Variants in SUGCT observed in about 807,000 individuals in gnomAD.
The protein encoded by SUGCT is succinyl-CoA:glutarate-CoA transferase.
In SUGCT, 41 loss-of-function variants were observed where a neutral mutation model predicts 55.0. That is an observed-to-expected ratio of 0.74 (90% CI 0.58 to 0.97). The LOEUF is 0.97. SUGCT is among the 50% of genes least tolerant of loss of function. The probability of loss-of-function intolerance (pLI) is 0.00; values close to 1 mark genes in which losing one functional copy is unlikely to be tolerated. For missense variants in SUGCT, 568 were observed against 547.8 expected, an observed-to-expected ratio of 1.04 and a Z score of -0.37; for synonymous variants, 187 against 200.4, an observed-to-expected ratio of 0.93 and a Z score of 0.56.
At chr7:40,575,164 G>C (rs1016466438) in intron 12 of SUGCT, among the ~76,000 whole-genome samples, 3 of 151,486 alleles carry the variant, frequency 2.0e-5, no homozygotes, top group African/African-American at 7.3e-5. Flanking sequence ...TAAATTCTTC[G>C]GATCGTCTGC....
chr7:40,684,211 A>G lies in SUGCT; in HGVS notation c.1090-65223A>G, dbSNP rs904232022. The G allele has an allele frequency of 2.0e-5, 30 of 1,493,532 alleles. No individual in the cohort carries two copies. In the African/African-American group the frequency reaches 2.8e-4, roughly 14 times the overall value. The allele number at this position is 1,493,532 out of a possible 1,614,324, so 92.5% of individuals were successfully genotyped here. On this transcript the variant is annotated intron_variant, in intron 12 of 13. Coordinates refer to ENST00000335693, the MANE Select transcript of SUGCT (RefSeq NM_001193313.2). Reference sequence around the variant, plus strand: ...TAATCCAGGATAATTTCTCCATATCAAGGTTTGTGACCTTAATTACATCCA... The same window carrying G: ...TAATCCAGGATAATTTCTCCATATCGAGGTTTGTGACCTTAATTACATCCA...
chr7:40,496,617 A>G (rs562312426), intron 12 of SUGCT, among the ~76,000 whole-genome samples: 27 of 152,272 alleles, frequency 1.8e-4, no homozygotes, highest in Admixed American at 1.8e-3. Context: ...CAGCCACTAC[A>G]TGAAGTTTCT....
intron 12 of SUGCT, among the ~76,000 whole-genome samples, chr7:40,673,417 C>T (rs181921769): frequency 3.5e-4 from 53 of 152,306 alleles, no homozygotes; most frequent in Non-Finnish European, 5.1e-4. Flanking sequence ...TCTAACTTCC[C>T]GTGGCCTTTC....
chr7:40,323,755 C>T (rs957475600), intron 9 of SUGCT, among the ~76,000 whole-genome samples: 19 of 152,218 alleles, frequency 1.2e-4, no homozygotes, highest in Admixed American at 3.3e-4. Flanking sequence ...AATCCCAGTG[C>T]GGATAGACTT....
intron 6 of SUGCT, among the ~76,000 whole-genome samples, chr7:40,237,416 C>A (rs1018176881): frequency 1.6e-4 from 24 of 152,050 alleles, no homozygotes; most frequent in Non-Finnish European, 7.4e-5. Context: ...TACACTCCAC[C>A]CTGCTCGACG....
chr7:40,938,408 G>A, the SUGCT span, among the ~76,000 whole-genome samples: 15 of 151,132 alleles, frequency 9.9e-5, no homozygotes, highest in Admixed American at 8.6e-4. Context: ...TGTCTCAGTG[G>A]TTGCCCTGAA....
At chr7:40,922,541 C>T in the SUGCT span, among the ~76,000 whole-genome samples, 2 of 152,216 alleles carry the variant, frequency 1.3e-5, no homozygotes, top group Non-Finnish European at 2.9e-5. Flanking sequence ...ACTGACATCA[C>T]ATGCATACTT....
At chr7:40,607,970 A>G (rs1798605759) in intron 12 of SUGCT, among the ~76,000 whole-genome samples, 1 of 152,212 alleles carries the variant, frequency 6.6e-6, no homozygotes, top group Non-Finnish European at 1.5e-5. Context: ...GTCCATGAAT[A>G]TTTCCAAGAT....
chr7:40,366,160 G>A (rs945935641), intron 9 of SUGCT, among the ~76,000 whole-genome samples: 1 of 152,078 alleles, frequency 6.6e-6, no homozygotes, highest in Non-Finnish European at 1.5e-5. Flanking sequence ...ACAAGAAATG[G>A]GGAAAGGATT....
the SUGCT span, among the ~76,000 whole-genome samples, chr7:40,971,913 T>A: frequency 6.6e-6 from 1 of 152,148 alleles, no homozygotes; most frequent in East Asian, 1.9e-4. Context: ...CAATTAATAT[T>A]TTTTTACATA....
At chr7:40,575,526 C>T (rs2151699055) in intron 12 of SUGCT, among the ~76,000 whole-genome samples, 1 of 152,158 alleles carries the variant, frequency 6.6e-6, no homozygotes, top group East Asian at 1.9e-4. Context: ...GTTGCATCTA[C>T]TTCCCCCCAC....
intron 13 of SUGCT, among the ~76,000 whole-genome samples, chr7:40,764,374 T>G (rs1788674803): frequency 6.6e-6 from 1 of 152,188 alleles, no homozygotes; most frequent in Non-Finnish European, 1.5e-5. Flanking sequence ...ATTCACCTTT[T>G]TTAGCCATCA....
intron 13 of SUGCT, among the ~76,000 whole-genome samples, chr7:40,757,296 A>G (rs1788304786): frequency 6.6e-6 from 1 of 152,198 alleles, no homozygotes; most frequent in African/African-American, 2.4e-5. Flanking sequence ...TGTCGCTGAT[A>G]CAACTCAGGG....
the SUGCT span, among the ~76,000 whole-genome samples, chr7:40,949,163 G>A: frequency 6.6e-6 from 1 of 152,140 alleles, no homozygotes; most frequent in Non-Finnish European, 1.5e-5. Flanking sequence ...GGTGTGAGAT[G>A]GTATCTCATT....
chr7:40,209,226 G>A (rs368053589), intron 6 of SUGCT, among the ~76,000 whole-genome samples: 2 of 152,294 alleles, frequency 1.3e-5, no homozygotes, highest in African/African-American at 4.8e-5. Context: ...GGCCGGATGC[G>A]GTGGCGTGAC....
intron 12 of SUGCT, among the ~76,000 whole-genome samples, chr7:40,525,937 C>T (rs1793770836): frequency 6.6e-6 from 1 of 152,176 alleles, no homozygotes. Flanking sequence ...CACTATCTGC[C>T]ATCCATCTTG....
chr7:40,907,400 A>G, the SUGCT span, among the ~76,000 whole-genome samples: 1 of 152,216 alleles, frequency 6.6e-6, no homozygotes, highest in Non-Finnish European at 1.5e-5. Flanking sequence ...ATTGCAAGGC[A>G]AGGCCCATAA....
intron 9 of SUGCT, among the ~76,000 whole-genome samples, chr7:40,443,612 C>G (rs889792116): frequency 6.6e-6 from 1 of 152,084 alleles, no homozygotes; most frequent in African/African-American, 2.4e-5. Flanking sequence ...TTTGTAGATT[C>G]TGGATATTAG....
At chr7:40,425,060 T>C (rs1787518181) in intron 9 of SUGCT, among the ~76,000 whole-genome samples, 2 of 152,268 alleles carry the variant, frequency 1.3e-5, no homozygotes, top group African/African-American at 4.8e-5. Context: ...CAGAAACTCA[T>C]GTAGTTGAAC....
Sources: gnomAD v4.1 joint callset for allele counts (sites outside exome capture counted in the v4.1 genomes callset) on GRCh38, gnomAD v4.1.1 for gene constraint, MANE v1.5 for transcripts, NCBI Gene and HGNC (gene_info 2026-07-23, HGNC 2026-07-21) for gene names.